The following NTM variants were observed in gnomAD, a reference collection of about 807,000 sequenced individuals.
The protein encoded by NTM is neurotrimin.
NTM carries 13 observed loss-of-function variants against 42.1 expected under a neutral mutation model. The observed-to-expected ratio is 0.31, with a 90% confidence interval of 0.20 to 0.49. NTM has a LOEUF of 0.49. Ranked by LOEUF, NTM falls within the 20% of genes least tolerant of loss-of-function variation. The pLI is 0.99. For synonymous variants in NTM, 187 were observed against 179.2 expected (o/e 1.04, Z -0.35); for missense variants, 373 against 452.8 (o/e 0.82, Z 1.60).
chr11:132,299,467 T>C (rs1407986402), intron 4 of NTM, among the ~76,000 whole-genome samples: 1 of 152,062 alleles, frequency 6.6e-6, no homozygotes, highest in Non-Finnish European at 1.5e-5. Flanking sequence ...ACAGAAAGGG[T>C]ATCCTGAGAG....
intron 3 of NTM, among the ~76,000 whole-genome samples, chr11:132,152,303 G>C (rs1018862880): frequency 1.3e-5 from 2 of 152,144 alleles, no homozygotes; most frequent in Non-Finnish European, 2.9e-5. Flanking sequence ...GCGAGTCAAT[G>C]GTAGAGGAAA....
At chr11:132,165,549 T>G (rs1033660815) in intron 3 of NTM, among the ~76,000 whole-genome samples, 3 of 152,196 alleles carry the variant, frequency 2.0e-5, no homozygotes, top group Non-Finnish European at 4.4e-5. Flanking sequence ...TAGGCTTAAC[T>G]TACAGAATCT....
intron 1 of NTM, chr11:131,794,592 A>G: frequency 1.0e-6 from 1 of 983,782 alleles, no homozygotes; most frequent in Non-Finnish European, 1.2e-6. Flanking sequence ...AAATGGCAAT[A>G]GACCGACACA....
intron 1 of NTM, among the ~76,000 whole-genome samples, chr11:131,858,000 C>T (rs182004179): frequency 1.4e-4 from 21 of 151,628 alleles, no homozygotes; most frequent in African/African-American, 4.6e-4. Flanking sequence ...TTCCTTCATA[C>T]CCCTCTCTCT....
intron 1 of NTM, among the ~76,000 whole-genome samples, chr11:131,879,666 T>C (rs1248337560): frequency 6.6e-6 from 1 of 152,334 alleles, no homozygotes; most frequent in East Asian, 1.9e-4. Flanking sequence ...AATACTTATT[T>C]GAAAAATATT....
intron 1 of NTM, chr11:131,660,195 C>A (rs1429532014): frequency 3.8e-6 from 1 of 262,818 alleles, no homozygotes. Context: ...CTCGGGTGGG[C>A]CAGTTTGCAT....
intron 1 of NTM, among the ~76,000 whole-genome samples, chr11:131,578,534 A>C (rs1031520415): frequency 2.6e-5 from 4 of 152,200 alleles, no homozygotes; most frequent in Non-Finnish European, 5.9e-5. Flanking sequence ...AGCTACATAC[A>C]TAAAATAACT....
chr11:131,983,596 G>A (rs1240268436), intron 2 of NTM, among the ~76,000 whole-genome samples: 2 of 152,002 alleles, frequency 1.3e-5, no homozygotes, highest in African/African-American at 2.4e-5. Flanking sequence ...GGCTAGTCTT[G>A]AACTCCTGAC....
intron 1 of NTM, among the ~76,000 whole-genome samples, chr11:131,828,662 A>T (rs370927910): frequency 6.6e-6 from 1 of 152,068 alleles, no homozygotes; most frequent in Non-Finnish European, 1.5e-5. Context: ...TGTTACTACT[A>T]TCTGATTGTG....
chr11:131,873,296 G>A (rs2047989897), intron 1 of NTM, among the ~76,000 whole-genome samples: 1 of 151,828 alleles, frequency 6.6e-6, no homozygotes, highest in South Asian at 2.1e-4. Context: ...TCACTCATAA[G>A]TGGGAGCTGA....
intron 1 of NTM, among the ~76,000 whole-genome samples, chr11:131,589,167 A>ATGTG (rs58237274): frequency 0.13 from 17,939 of 143,328 alleles, 1,188 homozygotes; most frequent in East Asian, 0.22. Context: ...ACCTGGAAAA[A>ATGTG]TGTGTGTGTG....
chr11:132,140,645 C>T (rs1270547083), intron 2 of NTM, among the ~76,000 whole-genome samples: 1 of 152,196 alleles, frequency 6.6e-6, no homozygotes, highest in East Asian at 1.9e-4. Context: ...AAGGTGCTAG[C>T]TGATATCTGA....
chr11:131,805,932 C>T (rs1187216691), intron 1 of NTM, among the ~76,000 whole-genome samples: 1 of 152,124 alleles, frequency 6.6e-6, no homozygotes, highest in Non-Finnish European at 1.5e-5. Flanking sequence ...TATGGTCATG[C>T]CTATAAAATG....
At chr11:132,232,865 AG>A (rs2087915901) in intron 4 of NTM, among the ~76,000 whole-genome samples, 1 of 152,252 alleles carries the variant, frequency 6.6e-6, no homozygotes, top group African/African-American at 2.4e-5. Context: ...AAACTCAAAA[AG>A]CAAAAAACGT....
intron 1 of NTM, among the ~76,000 whole-genome samples, chr11:131,683,368 A>T (rs1208613673): frequency 6.6e-6 from 1 of 152,154 alleles, no homozygotes; most frequent in Non-Finnish European, 1.5e-5. Context: ...GGTGCACGGG[A>T]GGAGGGGAAA....
intron 2 of NTM, among the ~76,000 whole-genome samples, chr11:132,000,508 T>C (rs922355700): frequency 6.6e-6 from 1 of 152,230 alleles, no homozygotes; most frequent in Non-Finnish European, 1.5e-5. Context: ...GACTTCAATG[T>C]GCAAAGCATT....
intron 1 of NTM, among the ~76,000 whole-genome samples, chr11:131,608,481 C>CT (rs199789011): frequency 0.014 from 2,064 of 152,064 alleles, 47 homozygotes; most frequent in African/African-American, 0.046. Flanking sequence ...AAAGAAAGTT[C>CT]TTTTTTTTGG....
intron 1 of NTM, among the ~76,000 whole-genome samples, chr11:131,760,775 G>A (rs1448895578): frequency 1.3e-5 from 2 of 152,162 alleles, no homozygotes; most frequent in Non-Finnish European, 2.9e-5. Flanking sequence ...CTCAGGAAGG[G>A]TCGCCGGGGT....
intron 1 of NTM, among the ~76,000 whole-genome samples, chr11:131,521,424 A>G (rs1286167436): frequency 6.3e-5 from 2 of 31,498 alleles, no homozygotes; most frequent in Non-Finnish European, 1.3e-4. Context: ...TTTTTTTTTG[A>G]GACGGGAGTC....
Sources: gnomAD v4.1 joint callset for allele counts (sites outside exome capture counted in the v4.1 genomes callset) on GRCh38, gnomAD v4.1.1 for gene constraint, MANE v1.5 for transcripts, NCBI Gene and HGNC (gene_info 2026-07-23, HGNC 2026-07-21) for gene names.